The following SMN1 variants were observed in gnomAD, a reference collection of about 807,000 sequenced individuals.
SMN1 encodes survival motor neuron protein.
For synonymous variants in SMN1, 3 were observed against 5.1 expected (o/e 0.58, Z 0.56); for missense variants, 15 against 17.1 (o/e 0.88, Z 0.22).
chr5:70,953,316 C>T (rs1444285177), downstream of SMN1: 1 of 94,646 alleles, frequency 1.1e-5, no homozygotes, highest in Non-Finnish European at 2.5e-5. Flanking sequence ...GGCACCATGC[C>T]CCACTAAGTT....
chr5:70,956,634 G>A (rs1404396776), downstream of SMN1, among the ~76,000 whole-genome samples: 1 of 149,666 alleles, frequency 6.7e-6, no homozygotes, highest in African/African-American at 2.4e-5. Context: ...GTAGATATGC[G>A]GCGTTATTTC....
the SMN1 span, among the ~76,000 whole-genome samples, chr5:70,959,251 T>C: frequency 6.7e-6 from 1 of 148,842 alleles, no homozygotes; most frequent in Non-Finnish European, 1.5e-5. Context: ...CTCTGGGGAC[T>C]GTTGTGGGGT....
At chr5:70,952,179 A>C in intron 8 of SMN1, 185 bp downstream of exon 8, 2 of 1,480,082 alleles carry the variant, frequency 1.4e-6, no homozygotes, top group Non-Finnish European at 1.8e-6. Context: ...CTACATCCCT[A>C]CTAGAATTCT....
intron 5 of SMN1, among the ~76,000 whole-genome samples, chr5:70,943,853 A>G (rs1386152932): frequency 2.1e-5 from 3 of 140,826 alleles, no homozygotes; most frequent in East Asian, 4.0e-4. Context: ...CAGTGGCACC[A>G]TTTCAGCTCA....
chr5:70,956,636 C>T (rs1284241650), downstream of SMN1, among the ~76,000 whole-genome samples: 3 of 149,706 alleles, frequency 2.0e-5, no homozygotes, highest in Non-Finnish European at 4.5e-5. Flanking sequence ...AGATATGCGG[C>T]GTTATTTCTG....
chr5:70,955,840 T>G (rs1232656815), downstream of SMN1, among the ~76,000 whole-genome samples: 3 of 136,586 alleles, frequency 2.2e-5, no homozygotes. Context: ...TTTTTGAACT[T>G]TTAAAATTTT....
chr5:70,956,701 C>T (rs530298016), downstream of SMN1, among the ~76,000 whole-genome samples: 442 of 150,684 alleles, frequency 2.9e-3, 17 homozygotes, highest in African/African-American at 0.01. Flanking sequence ...CAGTACCATG[C>T]TGTTTTGGTC....
chr5:70,952,170 T>C (rs1749784964), intron 8 of SMN1, 176 bp downstream of exon 8: 6 of 1,472,146 alleles, frequency 4.1e-6, no homozygotes, highest in Non-Finnish European at 4.5e-6. Flanking sequence ...AAGGTTAATC[T>C]ACATCCCTAC....
downstream of SMN1, among the ~76,000 whole-genome samples, chr5:70,956,092 CA>C (rs1198756865): frequency 3.0e-5 from 4 of 132,692 alleles, no homozygotes; most frequent in Non-Finnish European, 4.9e-5. Flanking sequence ...AGCATTTTTT[CA>C]TGTGTTTTTT....
At position 70,952,119 on chromosome 5, in the gene SMN1, A is replaced by C. The variant is rs528159367; in HGVS notation, c.*3+125A>C. The C allele has an allele frequency of 5.2e-6, 8 of 1,530,618 alleles. No homozygotes were observed. In the South Asian group the frequency reaches 8.6e-5, roughly 16 times the overall value. 94.8% of individuals were successfully genotyped at this position (1,530,618 alleles called of 1,614,324 possible). ...AAAAGTTGAAAGGTTAATGTAAAAC[A>C]ATCAATATTAAAGAATTTTGATGCC... On this transcript the variant is annotated intron_variant, in intron 8 of 8. Transcript: ENST00000380707.
chr5:70,948,390 A>G (rs1749598965), intron 7 of SMN1, among the ~76,000 whole-genome samples: 1 of 134,898 alleles, frequency 7.4e-6, no homozygotes, highest in Admixed American at 7.5e-5. Context: ...TACTAAAAGT[A>G]CAAAAACAAA....
rs1340344275 is a variant in SMN1, at chr5:70,925,092, C to T, written c.-12C>T. 2 of 37,644 alleles carry T rather than the reference C, an allele frequency of 5.3e-5. No individual in the cohort carries two copies. The highest frequency in any genetic ancestry group is 4.8e-4 in the Admixed American group (1 of 2,098). The allele number at this position is 37,644 out of a possible 1,614,324, so 2.3% of individuals were successfully genotyped here. On this transcript the variant is annotated 5_prime_UTR_variant, in exon 1 of 9. Transcript: ENST00000380707. ...GGGACGGGGCCCCACGCTGCGCACC[C>T]GCGGGTTTGCTATGGCGATGAGCAG...
intron 6 of SMN1, among the ~76,000 whole-genome samples, chr5:70,945,571 C>CTGTG (rs551335741): frequency 0.014 from 1,485 of 105,536 alleles, 180 homozygotes; most frequent in South Asian, 0.036. Flanking sequence ...GCTATGTGAG[C>CTGTG]TGTGTGTGTG....
At chr5:70,951,862 C>T in intron 7 of SMN1, 79 bp from the exon 8 acceptor site, 3 of 1,104,446 alleles carry the variant, frequency 2.7e-6, no homozygotes, top group East Asian at 2.4e-5. Flanking sequence ...TGCTTTTTAA[C>T]ATCCATATAA....
chr5:70,958,853 C>G (rs1274835334), downstream of SMN1, among the ~76,000 whole-genome samples: 4 of 150,116 alleles, frequency 2.7e-5, no homozygotes, highest in Non-Finnish European at 5.9e-5. Context: ...TGTGGTGATT[C>G]CTCAGGGATC....
At chr5:70,959,536 T>G in the SMN1 span, among the ~76,000 whole-genome samples, 1 of 106,670 alleles carries the variant, frequency 9.4e-6, no homozygotes, top group Non-Finnish European at 2.0e-5. Context: ...GGATGAGAGT[T>G]TAATTTGTTT....
intron 7 of SMN1, among the ~76,000 whole-genome samples, chr5:70,951,223 A>T (rs964130735): frequency 9.9e-5 from 15 of 150,964 alleles, no homozygotes; most frequent in Admixed American, 7.9e-4. Flanking sequence ...TTTCCCGAGT[A>T]GCTGGGACTA....
chr5:70,943,541 A>G (rs934788058), intron 5 of SMN1, among the ~76,000 whole-genome samples: 4 of 52,376 alleles, frequency 7.6e-5, no homozygotes, highest in African/African-American at 2.3e-4. Context: ...TGTATAAGAT[A>G]TGTAAAATAA....
downstream of SMN1, among the ~76,000 whole-genome samples, chr5:70,954,777 C>T (rs1257423616): frequency 2.2e-5 from 1 of 45,444 alleles, no homozygotes; most frequent in Non-Finnish European, 5.1e-5. Context: ...TGCTTGAACC[C>T]GGGAGGTGGA....
Sources: gnomAD v4.1 joint callset for allele counts (sites outside exome capture counted in the v4.1 genomes callset) on GRCh38, gnomAD v4.1.1 for gene constraint, MANE v1.5 for transcripts, NCBI Gene and HGNC (gene_info 2026-07-23, HGNC 2026-07-21) for gene names.